Variants in HDAC8 observed in about 807,000 individuals in gnomAD.
HDAC8 encodes the protein histone deacetylase 8.
Under a neutral mutation model 32.2 loss-of-function variants are expected in HDAC8, and 1 was observed. The observed-to-expected ratio is 0.03, with a 90% CI of 0.01 to 0.15. HDAC8 has a LOEUF of 0.15. Ranked by LOEUF, HDAC8 falls within the 10% of genes least tolerant of loss-of-function variation. HDAC8 has a pLI of 1.00. For synonymous variants in HDAC8, 108 were observed against 113.9 expected, an observed-to-expected ratio of 0.95 and a Z score of 0.33; for missense variants, 117 against 300.0, an observed-to-expected ratio of 0.39 and a Z score of 4.51.
chrX:72,570,199 A>G (rs1162613725), intron 2 of HDAC8, among the ~76,000 whole-genome samples: 3 of 111,994 alleles, frequency 2.7e-5, no homozygotes, highest in African/African-American at 9.7e-5. Flanking sequence ...AAATCTACCC[A>G]TTAAAATAAA....
At chrX:72,570,819 ACAT>A (rs1453738843) in intron 2 of HDAC8, among the ~76,000 whole-genome samples, 3 of 112,258 alleles carry the variant, frequency 2.7e-5, no homozygotes, top group African/African-American at 9.7e-5. Context: ...TCTTATAACG[ACAT>A]CAAATACAGA....
chrX:72,358,390 A>G (rs1270362145), intron 9 of HDAC8, among the ~76,000 whole-genome samples: 1 of 111,585 alleles, frequency 9.0e-6, no homozygotes, highest in Non-Finnish European at 1.9e-5. Context: ...CTGTGGGGCC[A>G]TTATTAAGCA....
chrX:72,368,532 T>A (rs1348251805), intron 9 of HDAC8, among the ~76,000 whole-genome samples: 1 of 111,105 alleles, frequency 9.0e-6, no homozygotes, highest in African/African-American at 3.3e-5. Flanking sequence ...AATTTTTGTA[T>A]TTTTAGTAGA....
At chrX:72,371,983 A>G in intron 9 of HDAC8, among the ~76,000 whole-genome samples, 1 of 110,921 alleles carries the variant, frequency 9.0e-6, no homozygotes, top group Non-Finnish European at 1.9e-5. Context: ...ATGCTGGGTA[A>G]TTAGTTGCTC....
At chrX:72,551,090 C>T (rs1401960068) in intron 4 of HDAC8, among the ~76,000 whole-genome samples, 1 of 106,464 alleles carries the variant, frequency 9.4e-6, no homozygotes, top group Non-Finnish European at 1.9e-5. Flanking sequence ...CACACACACA[C>T]ACACACACAC....
intron 4 of HDAC8, among the ~76,000 whole-genome samples, chrX:72,539,869 C>A (rs782447207): frequency 8.9e-6 from 1 of 112,250 alleles, no homozygotes; most frequent in East Asian, 2.8e-4. Context: ...TCCTGAACAA[C>A]CCTACAGCTC....
chrX:72,449,109 C>T (rs1265387712), intron 9 of HDAC8, among the ~76,000 whole-genome samples: 6 of 112,077 alleles, frequency 5.4e-5, no homozygotes, highest in East Asian at 2.8e-4. Flanking sequence ...ACTATAAAGA[C>T]ACATGAACAC....
At chrX:72,498,372 C>G (rs1311722647) in intron 4 of HDAC8, among the ~76,000 whole-genome samples, 1 of 111,323 alleles carries the variant, frequency 9.0e-6, no homozygotes, top group Non-Finnish European at 1.9e-5. Flanking sequence ...CTGTATGGAA[C>G]GTTTCTACAG....
intron 4 of HDAC8, among the ~76,000 whole-genome samples, chrX:72,508,540 G>C (rs2049465866): frequency 8.9e-6 from 1 of 112,684 alleles, no homozygotes; most frequent in Non-Finnish European, 1.9e-5. Flanking sequence ...CAAAACTCGT[G>C]TTGAAACTTA....
At chrX:72,486,035 T>G (rs1272490671) in intron 7 of HDAC8, among the ~76,000 whole-genome samples, 1 of 110,644 alleles carries the variant, frequency 9.0e-6, no homozygotes, top group Non-Finnish European at 1.9e-5. Context: ...GGCAGGAGAA[T>G]GGCGTGAACC....
chrX:72,331,624 G>T (rs1432442240), intron 10 of HDAC8, among the ~76,000 whole-genome samples: 7 of 105,021 alleles, frequency 6.7e-5, no homozygotes, highest in African/African-American at 2.7e-4. Flanking sequence ...TAGAATAACA[G>T]GAAGCTGCAA....
intron 9 of HDAC8, among the ~76,000 whole-genome samples, chrX:72,354,357 G>C (rs1475340887): frequency 2.7e-5 from 3 of 112,425 alleles, no homozygotes; most frequent in East Asian, 5.6e-4. Flanking sequence ...TTGTGAGCCA[G>C]TTCTACATGG....
At chrX:72,488,602 G>A (rs903121240) in intron 7 of HDAC8, among the ~76,000 whole-genome samples, 4 of 111,694 alleles carry the variant, frequency 3.6e-5, no homozygotes, top group African/African-American at 1.3e-4. Context: ...AACCCTGCCA[G>A]GTTAATGAAA....
At chrX:72,454,397 T>C (rs1312140759) in intron 9 of HDAC8, among the ~76,000 whole-genome samples, 1 of 111,788 alleles carries the variant, frequency 8.9e-6, no homozygotes, top group Non-Finnish European at 1.9e-5. Context: ...TCTATGTTTA[T>C]AGAGCTGAAA....
intron 9 of HDAC8, among the ~76,000 whole-genome samples, chrX:72,366,525 T>A (rs1344520640): frequency 3.6e-5 from 4 of 112,505 alleles, no homozygotes; most frequent in Non-Finnish European, 7.5e-5. Context: ...CTTGATTCTA[T>A]CACTTACACA....
At chrX:72,532,512 G>A (rs1603194746) in intron 4 of HDAC8, among the ~76,000 whole-genome samples, 1 of 92,927 alleles carries the variant, frequency 1.1e-5, no homozygotes, top group African/African-American at 4.2e-5. Context: ...ACAGGATCTT[G>A]CTCTGTCATC....
intron 4 of HDAC8, among the ~76,000 whole-genome samples, chrX:72,541,939 C>G (rs1422581862): frequency 8.9e-6 from 1 of 112,022 alleles, no homozygotes; most frequent in East Asian, 2.8e-4. Flanking sequence ...ACTCAGATTT[C>G]TCTCTGTCAC....
chrX:72,393,774 G>A (rs1386029044), intron 9 of HDAC8, among the ~76,000 whole-genome samples: 6 of 112,196 alleles, frequency 5.3e-5, no homozygotes, highest in African/African-American at 1.9e-4. Context: ...CTTTGTTCTG[G>A]AAAGTGCTGT....
At chrX:72,525,730 C>T (rs1179051113) in intron 4 of HDAC8, among the ~76,000 whole-genome samples, 3 of 93,774 alleles carry the variant, frequency 3.2e-5, no homozygotes, top group South Asian at 6.3e-4. Context: ...AGGAGAATGG[C>T]GTGAACCCGG....
Sources: allele counts gnomAD v4.1 joint callset (sites outside exome capture counted in the v4.1 genomes callset), GRCh38; gene constraint gnomAD v4.1.1; transcripts MANE v1.5; gene names NCBI Gene and HGNC (gene_info 2026-07-23, HGNC 2026-07-21).